The following EMID1 variants were observed in gnomAD, a reference collection of about 807,000 sequenced individuals.
EMID1 encodes EMI domain-containing protein 1.
In EMID1, 40 loss-of-function variants were observed where a neutral mutation model predicts 60.6. That is an observed-to-expected ratio of 0.66 (90% CI 0.51 to 0.86). EMID1 has a LOEUF of 0.86. EMID1 is among the 40% of genes least tolerant of loss of function. The pLI is 0.00. For missense variants in EMID1, 585 were observed against 597.1 expected, an observed-to-expected ratio of 0.98 and a Z score of 0.21; for synonymous variants, 242 against 231.0, an observed-to-expected ratio of 1.05 and a Z score of -0.43.
chr22:29,253,182 C>T (rs1393217452), intron 13 of EMID1, among the ~76,000 whole-genome samples: 2 of 152,194 alleles, frequency 1.3e-5, no homozygotes, highest in Admixed American at 6.5e-5. Context: ...TGGTGGCTCA[C>T]GCCTGTAATC....
In EMID1 at chr22:29,226,552, G is replaced by A. The variant is rs753074022; in HGVS notation, c.465+1G>A. Reference sequence around the variant, plus strand: ...GCGGCTGAAGGTGCTGGAGGCCAAGGTGGGTGAGCAGCTCCCTCCTGGGTG... The same window carrying A: ...GCGGCTGAAGGTGCTGGAGGCCAAGATGGGTGAGCAGCTCCCTCCTGGGTG... On this transcript the variant is annotated splice_donor_variant, in intron 5 of 14. Coordinates refer to ENST00000334018, the MANE Select transcript of EMID1 (RefSeq NM_133455.4). LOFTEE classifies it high-confidence loss of function. 1 of 1,611,510 alleles carries A rather than the reference G, an allele frequency of 6.2e-7. No individual in the cohort carries two copies. The highest frequency in any genetic ancestry group is 8.5e-7 in the Non-Finnish European group (1 of 1,178,912).
intron 1 of EMID1, among the ~76,000 whole-genome samples, chr22:29,209,104 G>A (rs1401211621): frequency 2.6e-5 from 4 of 152,136 alleles, no homozygotes; most frequent in Non-Finnish European, 5.9e-5. Context: ...ACAGCCCTTG[G>A]CCCCGGGCCC....
chr22:29,207,428 T>C (rs1181050225), intron 1 of EMID1, among the ~76,000 whole-genome samples: 1 of 152,186 alleles, frequency 6.6e-6, no homozygotes, highest in Non-Finnish European at 1.5e-5. Flanking sequence ...AGAGGGAACA[T>C]GACCTGCCCA....
chr22:29,251,152 T>C (rs2041514468), intron 13 of EMID1, among the ~76,000 whole-genome samples: 2 of 151,684 alleles, frequency 1.3e-5, no homozygotes, highest in South Asian at 4.2e-4. Context: ...TGGTACGATC[T>C]CAGCCCAGTG....
intron 1 of EMID1, among the ~76,000 whole-genome samples, chr22:29,209,109 G>A (rs186561067): frequency 2.6e-5 from 4 of 152,234 alleles, no homozygotes; most frequent in South Asian, 4.1e-4. Context: ...CCTTGGCCCC[G>A]GGCCCGCTTG....
At chr22:29,229,878 C>T (rs2040664785) in intron 5 of EMID1, among the ~76,000 whole-genome samples, 1 of 152,198 alleles carries the variant, frequency 6.6e-6, no homozygotes. Flanking sequence ...CCCACGATCC[C>T]TGAGCCCCTG....
At chr22:29,257,809 A>T (rs2041755630) in intron 14 of EMID1, among the ~76,000 whole-genome samples, 1 of 152,216 alleles carries the variant, frequency 6.6e-6, no homozygotes, top group Admixed American at 6.5e-5. Flanking sequence ...GCCCAAGGCC[A>T]CATAACTGGC....
intron 6 of EMID1, 36 bp downstream of exon 6, chr22:29,231,176 G>C: frequency 6.4e-7 from 1 of 1,557,622 alleles, no homozygotes; most frequent in Non-Finnish European, 8.7e-7. Flanking sequence ...GTGGGAATGA[G>C]CAGTGGGTTG....
intron 12 of EMID1, among the ~76,000 whole-genome samples, chr22:29,241,978 A>G (rs914180316): frequency 1.1e-4 from 17 of 152,048 alleles, no homozygotes; most frequent in Non-Finnish European, 1.9e-4. Context: ...TGGTGTGATC[A>G]CAGCTCACTG....
chr22:29,215,431 C>A, intron 2 of EMID1, 96 bp from the exon 3 acceptor site: 1 of 1,365,178 alleles, frequency 7.3e-7, no homozygotes. Context: ...AGCAGAGGAT[C>A]CTGGAAGCTC....
intron 7 of EMID1, 41 bp downstream of exon 7, chr22:29,231,723 C>T (rs1416481644): frequency 4.9e-6 from 7 of 1,428,432 alleles, no homozygotes; most frequent in Non-Finnish European, 6.4e-6. Flanking sequence ...CTCTGGCCAT[C>T]CCCTCCACCA....
chr22:29,250,414 C>G (rs1436456338), intron 13 of EMID1, among the ~76,000 whole-genome samples: 1 of 152,196 alleles, frequency 6.6e-6, no homozygotes, highest in African/African-American at 2.4e-5. Flanking sequence ...TTAAATTTGT[C>G]TGATTGTTTC....
intron 12 of EMID1, among the ~76,000 whole-genome samples, chr22:29,240,770 C>T (rs975137094): frequency 6.6e-6 from 1 of 152,232 alleles, no homozygotes; most frequent in Non-Finnish European, 1.5e-5. Context: ...ATAGTGTGGG[C>T]TCCCAGAACT....
intron 1 of EMID1, among the ~76,000 whole-genome samples, chr22:29,209,413 G>A (rs2039799910): frequency 6.6e-6 from 1 of 152,126 alleles, no homozygotes; most frequent in Non-Finnish European, 1.5e-5. Flanking sequence ...TCCAGCTCTT[G>A]GGCAGCTTAT....
chr22:29,206,968 G>C (rs894539355), intron 1 of EMID1, among the ~76,000 whole-genome samples: 3 of 152,212 alleles, frequency 2.0e-5, no homozygotes, highest in African/African-American at 4.8e-5. Flanking sequence ...CTCTGTCCTG[G>C]CTGCAGCCCC....
At chr22:29,246,387 A>G (rs1387479751) in intron 13 of EMID1, among the ~76,000 whole-genome samples, 1 of 152,164 alleles carries the variant, frequency 6.6e-6, no homozygotes, top group African/African-American at 2.4e-5. Context: ...AATCCCTCTG[A>G]TTGCCATGGC....
intron 1 of EMID1, among the ~76,000 whole-genome samples, chr22:29,206,708 C>A (rs543547424): frequency 1.3e-5 from 2 of 152,146 alleles, no homozygotes; most frequent in Non-Finnish European, 2.9e-5. Context: ...GGCGGGGAAC[C>A]TCCTCCCTGC....
intron 13 of EMID1, among the ~76,000 whole-genome samples, chr22:29,244,756 A>AAAGAC (rs1194023539): frequency 8.2e-6 from 1 of 121,826 alleles, no homozygotes; most frequent in Non-Finnish European, 2.0e-5. Context: ...GACGTGGGGG[A>AAAGAC]AAGACGAGGA....
At chr22:29,239,347 T>G (rs1304433098) in intron 12 of EMID1, among the ~76,000 whole-genome samples, 1 of 112,208 alleles carries the variant, frequency 8.9e-6, no homozygotes, top group Non-Finnish European at 1.7e-5. Flanking sequence ...CCCAGGCTGG[T>G]CTCAAACTCC....
Sources: allele counts gnomAD v4.1 joint callset (sites outside exome capture counted in the v4.1 genomes callset), GRCh38; gene constraint gnomAD v4.1.1; transcripts MANE v1.5; gene names NCBI Gene and HGNC (gene_info 2026-07-23, HGNC 2026-07-21).